Variants in BEAN1 observed in about 807,000 individuals in gnomAD.
BEAN1 encodes protein BEAN1.
Under a neutral mutation model 17.7 loss-of-function variants are expected in BEAN1, and 17 were observed. That is an observed-to-expected ratio of 0.96 (90% CI 0.66 to 1.44). The LOEUF is 1.44. BEAN1 is among the 40% of genes most tolerant of loss of function. The pLI is 0.00. For synonymous variants in BEAN1, 142 were observed against 151.8 expected (o/e 0.94, Z 0.47); for missense variants, 359 against 374.1 (o/e 0.96, Z 0.33).
chr16:66,433,201 C>T (rs759105669), intron 1 of BEAN1, among the ~76,000 whole-genome samples: 37 of 152,064 alleles, frequency 2.4e-4, no homozygotes, highest in African/African-American at 4.6e-4. Context: ...CCCCACCTCC[C>T]GGGTTCAAGT....
intron 3 of BEAN1, among the ~76,000 whole-genome samples, chr16:66,474,036 C>A (rs757794699): frequency 2.4e-4 from 37 of 152,176 alleles, no homozygotes; most frequent in Non-Finnish European, 8.8e-5. Flanking sequence ...GCCCAGAAGT[C>A]CCCTGGACAT....
chr16:66,433,661 TCA>T (rs1320791594), intron 1 of BEAN1, among the ~76,000 whole-genome samples: 2 of 152,184 alleles, frequency 1.3e-5, no homozygotes, highest in East Asian at 1.9e-4. Context: ...TTCTTCTGAG[TCA>T]CAGTGTTGTC....
At chr16:66,483,487 A>C (rs1255619916), downstream of BEAN1, 1 of 152,592 alleles carries the variant, frequency 6.6e-6, no homozygotes, top group Non-Finnish European at 1.5e-5. Context: ...GAAAGAGAGG[A>C]AAGTGGCAAT....
At chr16:66,493,333 G>A (rs117499742) in exon 5 of BEAN1, 18,648 of 687,078 alleles carry the variant, frequency 0.027, 319 homozygotes, top group Non-Finnish European at 0.035. Flanking sequence ...GGTCCGAGAC[G>A]GCCCTGGCAG....
At chr16:66,432,998 C>T (rs1961863605) in intron 1 of BEAN1, among the ~76,000 whole-genome samples, 1 of 152,238 alleles carries the variant, frequency 6.6e-6, no homozygotes. Context: ...ATTACCATTG[C>T]ATCTCCAGTC....
chr16:66,469,485 GC>G (rs1483283495), intron 2 of BEAN1, 116 bp from the exon 3 acceptor site: 21 of 1,290,858 alleles, frequency 1.6e-5, no homozygotes, highest in East Asian at 1.3e-4. Flanking sequence ...GTGGGCCTGA[GC>G]CCAGACCCTC....
intron 2 of BEAN1, among the ~76,000 whole-genome samples, chr16:66,439,046 G>A (rs992521999): frequency 1.3e-5 from 2 of 152,154 alleles, no homozygotes; most frequent in Non-Finnish European, 2.9e-5. Flanking sequence ...TCCAAAAGTC[G>A]AAGCCTTATT....
chr16:66,455,947 G>A (rs369377119), intron 2 of BEAN1, among the ~76,000 whole-genome samples: 4 of 152,176 alleles, frequency 2.6e-5, no homozygotes, highest in South Asian at 4.1e-4. Context: ...TCAGGCTCCC[G>A]ATGTGCCGGG....
intron 2 of BEAN1, among the ~76,000 whole-genome samples, chr16:66,442,632 T>C (rs1385290958): frequency 6.6e-6 from 1 of 152,206 alleles, no homozygotes; most frequent in Non-Finnish European, 1.5e-5. Flanking sequence ...CAGTGCAACC[T>C]GGCCCTGCTT....
downstream of BEAN1, among the ~76,000 whole-genome samples, chr16:66,494,217 CAGG>C (rs1268815425): frequency 6.6e-6 from 1 of 152,164 alleles, no homozygotes; most frequent in Non-Finnish European, 1.5e-5. Flanking sequence ...GATCACAGCA[CAGG>C]AGGAGAAGCA....
downstream of BEAN1, chr16:66,484,963 G>A (rs778520679): frequency 1.1e-5 from 5 of 454,128 alleles, no homozygotes; most frequent in South Asian, 7.8e-5. This position sits in a 1 kb window ranked among gnomAD's most constrained non-coding sequence, Gnocchi z 4.2. Context: ...CCGTGCTGGC[G>A]ATGACGCCAT....
intron 3 of BEAN1, among the ~76,000 whole-genome samples, chr16:66,470,328 G>A (rs1963437375): frequency 1.3e-5 from 2 of 152,010 alleles, no homozygotes; most frequent in African/African-American, 4.8e-5. Flanking sequence ...GATAGATGGA[G>A]GTTGAGTGGA....
At position 66,427,962 on chromosome 16, in the gene BEAN1, C is replaced by G. The variant is rs1480040338; in HGVS notation, c.-83+531C>G. 2.0e-5 allele frequency: 3 copies of G among 152,320 alleles called. No homozygotes were observed. Among genetic ancestry groups the G allele is most frequent in the Admixed American group, 6.5e-5 (1 of 15,290 alleles). 9.4% of individuals were successfully genotyped at this position (152,320 alleles called of 1,614,324 possible). ...CTAGGAAGTTTGACCCTTCGACGAG[C>G]AGGTCGCCTGGGGTATGCCCCTGTC... On this transcript the variant is annotated intron_variant, in intron 1 of 4. Transcript: ENST00000536005. This position sits in a 1 kb window ranked among gnomAD's most constrained non-coding sequence, Gnocchi z 4.7.
chr16:66,476,560 G>A (rs1963756528), intron 3 of BEAN1, among the ~76,000 whole-genome samples: 1 of 152,192 alleles, frequency 6.6e-6, no homozygotes, highest in South Asian at 2.1e-4. Context: ...TCGTGTCTCA[G>A]CCACCTTTGC....
chr16:66,468,765 A>C (rs750446312), intron 2 of BEAN1, among the ~76,000 whole-genome samples: 4 of 152,168 alleles, frequency 2.6e-5, no homozygotes, highest in Non-Finnish European at 5.9e-5. Context: ...GTGGGTGCCC[A>C]TGGCTGCCCC....
rs761812415 is a variant in BEAN1, at chr16:66,481,344, A to G, written c.*419A>G. The G allele has an allele frequency of 1.8e-5, 7 of 398,852 alleles. No homozygotes were observed. The highest frequency in any genetic ancestry group is 3.1e-5 in the Non-Finnish European group (7 of 226,580). 24.7% of individuals were successfully genotyped at this position (398,852 alleles called of 1,614,324 possible). On this transcript the variant is annotated 3_prime_UTR_variant, in exon 5 of 5. Transcript: ENST00000536005. This position sits in a 1 kb window ranked among gnomAD's most constrained non-coding sequence, Gnocchi z 4.1. Reference sequence around the variant, plus strand: ...GCCCAGCAAGCTGCGCCCAAATTCTATTCTGCCTCTGGAAACTGCTGGACC... The same window carrying G: ...GCCCAGCAAGCTGCGCCCAAATTCTGTTCTGCCTCTGGAAACTGCTGGACC...
chr16:66,454,140 T>C (rs1962781164), intron 2 of BEAN1, among the ~76,000 whole-genome samples: 1 of 152,264 alleles, frequency 6.6e-6, no homozygotes, highest in African/African-American at 2.4e-5. Flanking sequence ...TTTTTAAATC[T>C]ATTGAGACTT....
At chr16:66,431,070 T>G (rs1961778139) in intron 1 of BEAN1, among the ~76,000 whole-genome samples, 1 of 152,234 alleles carries the variant, frequency 6.6e-6, no homozygotes, top group South Asian at 2.1e-4. Flanking sequence ...TTTCTAGTAT[T>G]ATAATAAAGC....
intron 2 of BEAN1, among the ~76,000 whole-genome samples, chr16:66,460,654 G>A (rs1313204449): frequency 2.6e-5 from 4 of 152,194 alleles, no homozygotes; most frequent in Non-Finnish European, 5.9e-5. Context: ...CCAGGTCATG[G>A]CTGGCTCTGG....
Sources: gnomAD v4.1 joint callset for allele counts (sites outside exome capture counted in the v4.1 genomes callset) on GRCh38, gnomAD v4.1.1 for gene constraint, Gnocchi (gnomAD v3.1) non-coding constraint, MANE v1.5 for transcripts, NCBI Gene and HGNC (gene_info 2026-07-23, HGNC 2026-07-21) for gene names.